DNAJB12: variants seen among roughly 807,000 people sequenced by gnomAD.
DNAJB12 encodes dnaJ homolog subfamily B member 12.
In DNAJB12, 14 loss-of-function variants were observed where a neutral mutation model predicts 40.6. The ratio of observed to expected loss-of-function variants is 0.34; its 90% CI spans 0.23 to 0.54. The LOEUF is 0.54. Ranked by LOEUF, DNAJB12 falls within the 20% of genes least tolerant of loss-of-function variation. DNAJB12 has a pLI of 0.92. For missense variants in DNAJB12, 444 were observed against 501.7 expected, an observed-to-expected ratio of 0.89 and a Z score of 1.10; for synonymous variants, 181 against 199.5, an observed-to-expected ratio of 0.91 and a Z score of 0.78.
Position 72,335,424 on chromosome 10 carries a change from T to C in DNAJB12, c.*30+356A>G. On this transcript the variant is annotated intron_variant, in intron 8 of 8. Coordinates refer to ENST00000444643, the MANE Select transcript of DNAJB12 (RefSeq NM_017626.7). This position sits in a 1 kb window ranked among gnomAD's most constrained non-coding sequence, Gnocchi z 4.4. ...TACCAGGGCACGGACAATAGTCTGCTGTGCTGGAGAAAGGGCCGTGCTGAC... is the reference window on the plus strand; with the variant it reads ...TACCAGGGCACGGACAATAGTCTGCCGTGCTGGAGAAAGGGCCGTGCTGAC... 1 of 1,053,904 alleles carries C rather than the reference T, an allele frequency of 9.5e-7. No individual in the cohort carries two copies. Among genetic ancestry groups the C allele is most frequent in the Non-Finnish European group, 1.2e-6 (1 of 869,406 alleles). The allele number at this position is 1,053,904 out of a possible 1,614,324, so 65.3% of individuals were successfully genotyped here.
chr10:72,335,286 T>C lies in DNAJB12; in HGVS notation c.*30+494A>G. ...CTCCATTTCCTCCTAGCTGGAGGGA[T>C]GGAGAAAGGGGAGGGCTCTTGGCCC... On this transcript the variant is annotated intron_variant, in intron 8 of 8. Coordinates refer to ENST00000444643, the MANE Select transcript of DNAJB12 (RefSeq NM_017626.7). The surrounding 1 kb of genome is among the most constrained non-coding windows in gnomAD (Gnocchi z 4.4). 1.0e-6 allele frequency: 1 copy of C among 987,260 alleles called. No homozygotes were observed. The highest frequency in any genetic ancestry group is 1.2e-6 in the Non-Finnish European group (1 of 830,916). 61.2% of individuals were successfully genotyped at this position (987,260 alleles called of 1,614,324 possible).
chr10:72,338,395 G>C (rs1861537171), intron 5 of DNAJB12, 84 bp from the exon 6 acceptor site: 1 of 1,157,038 alleles, frequency 8.6e-7, no homozygotes, highest in Non-Finnish European at 1.3e-6. Context: ...CCCTAGAATA[G>C]TGGAGCCTGG....
chr10:72,339,353 G>A (rs1861565960), intron 5 of DNAJB12, among the ~76,000 whole-genome samples: 3 of 151,844 alleles, frequency 2.0e-5, no homozygotes, highest in Middle Eastern at 3.4e-3. Flanking sequence ...GGCCAACATG[G>A]TGAAACCCCG....
intron 1 of DNAJB12, among the ~76,000 whole-genome samples, chr10:72,351,612 G>T (rs947585573): frequency 6.6e-6 from 1 of 152,216 alleles, no homozygotes; most frequent in Non-Finnish European, 1.5e-5. Context: ...TGCCCTCTCC[G>T]GGGACTGCCT....
chr10:72,339,677 C>CAAAATGTGTTTG (rs1861576786), intron 5 of DNAJB12, among the ~76,000 whole-genome samples: 1 of 151,998 alleles, frequency 6.6e-6, no homozygotes, highest in Admixed American at 6.5e-5. Flanking sequence ...CTGTGGCATA[C>CAAAATGTGTTTG]AAAATGTGTT....
rs1861440468 is a variant in DNAJB12 at position 72,335,339 on chromosome 10, A to G, written c.*30+441T>C. Reference sequence around the variant, plus strand: ...CTATTCCCACATGGTTCTTCCTGGTATCAGGCAGGCAGTGTGCATATGGGG... The same window carrying G: ...CTATTCCCACATGGTTCTTCCTGGTGTCAGGCAGGCAGTGTGCATATGGGG... On this transcript the variant is annotated intron_variant, in intron 8 of 8. Coordinates refer to ENST00000444643, the MANE Select transcript of DNAJB12 (RefSeq NM_017626.7). The surrounding 1 kb of genome is among the most constrained non-coding windows in gnomAD (Gnocchi z 4.4). 2.0e-6 allele frequency: 2 copies of G among 988,926 alleles called. No individual in the cohort carries two copies. The highest frequency in any genetic ancestry group is 2.4e-6 in the Non-Finnish European group (2 of 832,088). The allele number at this position is 988,926 out of a possible 1,614,324, so 61.3% of individuals were successfully genotyped here. A position where few individuals can be genotyped will look rare whatever the true frequency, so the allele number is the denominator to read the frequency against.
chr10:72,350,166 A>C (rs1418782609), intron 1 of DNAJB12, among the ~76,000 whole-genome samples: 2 of 152,038 alleles, frequency 1.3e-5, no homozygotes, highest in African/African-American at 4.8e-5. Context: ...TTAGGAGGCC[A>C]AGGCAGGAGA....
chr10:72,343,701 A>G (rs1212089976), intron 2 of DNAJB12, among the ~76,000 whole-genome samples, 190 bp from the exon 3 acceptor site: 1 of 152,198 alleles, frequency 6.6e-6, no homozygotes, highest in African/African-American at 2.4e-5. Context: ...AATGTGATGC[A>G]GAGCTGGGCA....
intron 5 of DNAJB12, 50 bp from the exon 6 acceptor site, chr10:72,338,361 G>A: frequency 6.5e-7 from 1 of 1,528,918 alleles, no homozygotes; most frequent in Non-Finnish European, 9.0e-7. Flanking sequence ...GGGGTGTGGT[G>A]TCAGCCATAA....
chr10:72,339,790 C>T (rs1677280001), intron 5 of DNAJB12, among the ~76,000 whole-genome samples: 2 of 150,346 alleles, frequency 1.3e-5, no homozygotes, highest in Non-Finnish European at 3.0e-5. Context: ...CTCGGCTCAA[C>T]ACAACCTCTG....
At chr10:72,339,841 G>A (rs1861582613) in intron 5 of DNAJB12, among the ~76,000 whole-genome samples, 1 of 151,548 alleles carries the variant, frequency 6.6e-6, no homozygotes, top group South Asian at 2.1e-4. Flanking sequence ...AGCTTCCCGA[G>A]TAGGGATTAA....
chr10:72,335,303 T>G lies in DNAJB12; in HGVS notation c.*30+477A>C, dbSNP rs1240846338. 1.0e-6 allele frequency: 1 copy of G among 988,014 alleles called. No individual in the cohort carries two copies. The highest frequency in any genetic ancestry group is 1.2e-6 in the Non-Finnish European group (1 of 831,470). The allele number at this position is 988,014 out of a possible 1,614,324, so 61.2% of individuals were successfully genotyped here. ...TGGAGGGATGGAGAAAGGGGAGGGC[T>G]CTTGGCCCACCTATTCCCACATGGT... On this transcript the variant is annotated intron_variant, in intron 8 of 8. Transcript: ENST00000444643. This position sits in a 1 kb window ranked among gnomAD's most constrained non-coding sequence, Gnocchi z 4.4.
chr10:72,334,419 G>C lies in DNAJB12; in HGVS notation c.*229C>G. ...CGGAGCCTCCGCCAGCCCTGCGAGG[G>C]AGGGAAGCAGCCCCATGGCAGGTTT... On this transcript the variant is annotated 3_prime_UTR_variant, in exon 9 of 9. Coordinates refer to ENST00000444643, the MANE Select transcript of DNAJB12 (RefSeq NM_017626.7). 1 of 803,124 alleles carries C rather than the reference G, an allele frequency of 1.2e-6. No homozygotes were observed. Among genetic ancestry groups the C allele is most frequent in the Non-Finnish European group, 2.0e-6 (1 of 497,090 alleles). The allele number at this position is 803,124 out of a possible 1,614,324, so 49.7% of individuals were successfully genotyped here.
intron 6 of DNAJB12, among the ~76,000 whole-genome samples, chr10:72,337,324 C>G (rs1037609677): frequency 6.6e-6 from 1 of 152,158 alleles, no homozygotes; most frequent in African/African-American, 2.4e-5. Flanking sequence ...TCCAGTGGAC[C>G]GACTCTGCCC....
At chr10:72,341,207 TG>T in intron 3 of DNAJB12, 37 bp from the exon 4 acceptor site, 2 of 1,581,772 alleles carry the variant, frequency 1.3e-6, no homozygotes, top group Non-Finnish European at 8.6e-7. Context: ...CTGAGGATCC[TG>T]GGGTGCGGGG....
chr10:72,344,277 C>T (rs1344713073), intron 2 of DNAJB12, among the ~76,000 whole-genome samples: 1 of 152,222 alleles, frequency 6.6e-6, no homozygotes, highest in Non-Finnish European at 1.5e-5. Context: ...GTACAGATCT[C>T]GCCTACACTT....
At chr10:72,350,621 T>G (rs540537778) in intron 1 of DNAJB12, among the ~76,000 whole-genome samples, 1 of 152,208 alleles carries the variant, frequency 6.6e-6, no homozygotes, top group African/African-American at 2.4e-5. Context: ...ACTTTGTTAG[T>G]AAGTGAGTAG....
chr10:72,338,458 G>A (rs1275833512), intron 5 of DNAJB12, 147 bp from the exon 6 acceptor site: 8 of 575,042 alleles, frequency 1.4e-5, no homozygotes, highest in Admixed American at 3.2e-5. Flanking sequence ...AAACACAGAC[G>A]CTCCTTCACC....
At chr10:72,339,636 T>C (rs969667036) in intron 5 of DNAJB12, among the ~76,000 whole-genome samples, 2 of 152,234 alleles carry the variant, frequency 1.3e-5, no homozygotes, top group Non-Finnish European at 2.9e-5. Flanking sequence ...TCCACAATAT[T>C]TTAATTTTAG....
Sources: allele counts gnomAD v4.1 joint callset (sites outside exome capture counted in the v4.1 genomes callset), GRCh38; gene constraint gnomAD v4.1.1; non-coding constraint Gnocchi (gnomAD v3.1); transcripts MANE v1.5; gene names NCBI Gene and HGNC (gene_info 2026-07-23, HGNC 2026-07-21).